Variants in MACROH2A1 observed in about 807,000 individuals in gnomAD.
The protein encoded by MACROH2A1 is macroH2A.1 histone, also known as core histone macro-H2A.1.
A neutral mutation model predicts 31.6 loss-of-function variants in MACROH2A1; 2 were observed. That is an observed-to-expected ratio of 0.06 (90% CI 0.03 to 0.20). The LOEUF is 0.20. MACROH2A1 is among the 10% of genes least tolerant of loss of function. The pLI is 1.00. For missense variants in MACROH2A1, 230 were observed against 474.0 expected (o/e 0.49, Z 4.78); for synonymous variants, 169 against 189.6 (o/e 0.89, Z 0.89).
At chr5:135,365,129 G>A (rs954286680) in intron 4 of MACROH2A1, among the ~76,000 whole-genome samples, 1 of 152,098 alleles carries the variant, frequency 6.6e-6, no homozygotes. Flanking sequence ...TTAACCTGAG[G>A]GACAAAATTA....
At position 135,369,365 on chromosome 5, in the gene MACROH2A1, C is replaced by T. The variant is rs767558838; in HGVS notation, c.477+41G>A. The T allele has an allele frequency of 6.6e-7, 1 of 1,525,512 alleles. No individual in the cohort carries two copies. The highest frequency in any genetic ancestry group is 1.7e-5 in the Admixed American group (1 of 59,770). 94.5% of individuals were successfully genotyped at this position (1,525,512 alleles called of 1,614,324 possible). A position where few individuals can be genotyped will look rare whatever the true frequency, so the allele number is the denominator to read the frequency against. On this transcript the variant is annotated intron_variant, in intron 4 of 8. Coordinates refer to ENST00000511689, the MANE Select transcript of MACROH2A1 (RefSeq NM_138610.3). This position sits in a 1 kb window ranked among gnomAD's most constrained non-coding sequence, Gnocchi z 4.3. The stretch of plus-strand genomic sequence containing the variant: ...CCTGGTAACCCTGTTTATCCGTACC[C>T]CATCCTATCCCACTTCATACATTCT...
At chr5:135,365,824 T>C (rs1446702496) in intron 4 of MACROH2A1, among the ~76,000 whole-genome samples, 1 of 152,228 alleles carries the variant, frequency 6.6e-6, no homozygotes, top group African/African-American at 2.4e-5. Flanking sequence ...CCACAAACAA[T>C]GACAGTTACT....
At chr5:135,345,193 G>T (rs1760627090) in intron 7 of MACROH2A1, 1 of 152,238 alleles carries the variant, frequency 6.6e-6, no homozygotes, top group Admixed American at 6.5e-5. Flanking sequence ...CCTGGAAGGG[G>T]TGTCATTTGT....
chr5:135,360,503 G>T lies in MACROH2A1; in HGVS notation c.582C>A (p.Gly194=), dbSNP rs777913233. The change falls in exon 5 of 9, where the codon GGC becomes GGA. Residue 194 remains glycine, a synonymous_variant. Transcript: ENST00000511689. ...TVLSTKSLFL[G]QKLNLIHSEI... Reference sequence around the variant, plus strand: ...AGGCCGCGCATCTGCCTACCTTCTGGCCAAGGAAGAGGCTCTTGGTGGAGA... The same window carrying T: ...AGGCCGCGCATCTGCCTACCTTCTGTCCAAGGAAGAGGCTCTTGGTGGAGA... 2 of 1,606,088 alleles carry T rather than the reference G, an allele frequency of 1.2e-6. No individual in the cohort carries two copies. The highest frequency in any genetic ancestry group is 2.7e-5 in the African/African-American group (2 of 74,788).
intron 8 of MACROH2A1, among the ~76,000 whole-genome samples, chr5:135,336,655 TG>T (rs770747718): frequency 2.6e-5 from 4 of 151,964 alleles, no homozygotes; most frequent in Non-Finnish European, 5.9e-5. Context: ...GACTAACAGG[TG>T]GGCCAGGATG....
intron 4 of MACROH2A1, among the ~76,000 whole-genome samples, chr5:135,365,811 G>A (rs920633575): frequency 6.6e-6 from 1 of 152,226 alleles, no homozygotes; most frequent in Non-Finnish European, 1.5e-5. Flanking sequence ...TGAGGACAGA[G>A]ATCCACAAAC....
chr5:135,348,169 T>C (rs1040669615), intron 6 of MACROH2A1, among the ~76,000 whole-genome samples: 1 of 152,230 alleles, frequency 6.6e-6, no homozygotes, highest in African/African-American at 2.4e-5. Context: ...TACACACACA[T>C]ATGTATGCAC....
chr5:135,397,581 A>G (rs932931902), intron 1 of MACROH2A1, among the ~76,000 whole-genome samples: 3 of 152,182 alleles, frequency 2.0e-5, no homozygotes, highest in Non-Finnish European at 4.4e-5. Flanking sequence ...TAGAAGGGGG[A>G]AGAATTTGAA....
chr5:135,350,772 G>A (rs1020571265), intron 6 of MACROH2A1: 4 of 1,081,342 alleles, frequency 3.7e-6, no homozygotes, highest in African/African-American at 3.1e-5. Context: ...TGTCTGCAGC[G>A]GCCGACTGAC....
At chr5:135,336,521 C>CAGAGCACGGCCAT (rs547348306) in intron 8 of MACROH2A1, among the ~76,000 whole-genome samples, 54 of 152,208 alleles carry the variant, frequency 3.5e-4, no homozygotes, top group African/African-American at 1.3e-3. Context: ...TCCTCAGCCA[C>CAGAGCACGGCCAT]AGAGCAGCCA....
intron 4 of MACROH2A1, among the ~76,000 whole-genome samples, chr5:135,367,782 C>A (rs765402872): frequency 6.6e-6 from 1 of 152,326 alleles, no homozygotes; most frequent in Non-Finnish European, 1.5e-5. Context: ...GTCTCTGGGG[C>A]TCATAATCAA....
intron 1 of MACROH2A1, among the ~76,000 whole-genome samples, chr5:135,395,846 C>T (rs771287700): frequency 7.9e-5 from 12 of 152,182 alleles, no homozygotes; most frequent in Non-Finnish European, 1.5e-4. Context: ...AACCTACAGT[C>T]CACTCTCAGT....
intron 8 of MACROH2A1, 40 bp from the exon 9 acceptor site, chr5:135,335,181 A>G: frequency 5.8e-6 from 9 of 1,561,662 alleles, no homozygotes; most frequent in Non-Finnish European, 7.9e-6. Context: ...CTGGGATGCC[A>G]CGGGGGCTGC....
intron 5 of MACROH2A1, chr5:135,359,265 G>C (rs1277964985): frequency 1.0e-6 from 1 of 985,226 alleles, no homozygotes; most frequent in Non-Finnish European, 1.2e-6. Context: ...ATTTCAAATG[G>C]AAGTAATGTG....
intron 1 of MACROH2A1, among the ~76,000 whole-genome samples, chr5:135,395,410 G>T (rs1285588071): frequency 1.3e-5 from 2 of 152,178 alleles, no homozygotes; most frequent in African/African-American, 4.8e-5. Context: ...CAGCCCCTGA[G>T]GATAGAGGAG....
intron 5 of MACROH2A1, chr5:135,358,119 CTG>C (rs757667558): frequency 4.5e-5 from 44 of 984,358 alleles, no homozygotes; most frequent in Non-Finnish European, 5.2e-5. Context: ...TTTGTAAAAA[CTG>C]TGTGTTAGTT....
chr5:135,380,529 GAACTAT>G (rs1213828012), intron 2 of MACROH2A1, among the ~76,000 whole-genome samples: 1 of 152,178 alleles, frequency 6.6e-6, no homozygotes, highest in Non-Finnish European at 1.5e-5. Context: ...CAGGCAGCAT[GAACTAT>G]AAAGCTATCA....
rs867785845 is a variant in MACROH2A1 at position 135,334,383 on chromosome 5, C to T, written c.*593G>A. On this transcript the variant is annotated 3_prime_UTR_variant, in exon 9 of 9. Coordinates refer to ENST00000511689, the MANE Select transcript of MACROH2A1 (RefSeq NM_138610.3). ...AACTGGAACACACCAGTCACAACAA[C>T]GGTTTAACATTTTACTAAATCAACT... The T allele has an allele frequency of 4.0e-5, 8 of 200,160 alleles. No homozygotes were observed. Among genetic ancestry groups the T allele is most frequent in the East Asian group, 1.6e-4 (1 of 6,198 alleles). 12.4% of individuals were successfully genotyped at this position (200,160 alleles called of 1,614,324 possible).
In MACROH2A1 at chr5:135,390,327, G is replaced by A. The variant is rs545789967; in HGVS notation, c.-33-1201C>T. Among the ~76,000 whole-genome samples, 6 of 152,266 alleles carry A rather than the reference G, an allele frequency of 3.9e-5. No homozygotes were observed. In the East Asian group the frequency reaches 1.2e-3, roughly 29 times the overall value. The stretch of plus-strand genomic sequence containing the variant: ...CCATCAGACTGCAGGTGGGTGGAGG[G>A]GTGCCCCTAACTGTATTCCTACTGT... On this transcript the variant is annotated intron_variant, in intron 1 of 8. Coordinates refer to ENST00000511689, the MANE Select transcript of MACROH2A1 (RefSeq NM_138610.3).
Sources: allele counts gnomAD v4.1 joint callset (sites outside exome capture counted in the v4.1 genomes callset), GRCh38; gene constraint gnomAD v4.1.1; non-coding constraint Gnocchi (gnomAD v3.1); transcripts MANE v1.5; gene names NCBI Gene and HGNC (gene_info 2026-07-23, HGNC 2026-07-21).